Variants in CSMD1 observed in about 807,000 individuals in gnomAD.
CSMD1 encodes CUB and Sushi multiple domains 1, also known as CUB and sushi domain-containing protein 1.
CSMD1 carries 213 observed loss-of-function variants against 417.5 expected under a neutral mutation model. That is an observed-to-expected ratio of 0.51 (90% CI 0.46 to 0.57). The LOEUF (loss-of-function observed/expected upper bound fraction) is 0.57. Ranked by LOEUF, CSMD1 falls within the 20% of genes least tolerant of loss-of-function variation. The probability of loss-of-function intolerance (pLI) is 0.00; values close to 1 mark genes in which losing one functional copy is unlikely to be tolerated. For synonymous variants in CSMD1, 2,862 were observed against 1,736.8 expected (o/e 1.65, Z -16.11); for missense variants, 6,923 against 4,529.7 (o/e 1.53, Z -15.17).
intron 33 of CSMD1, among the ~76,000 whole-genome samples, chr8:3,193,646 G>C (rs983778): frequency 0.93 from 141,927 of 152,176 alleles, 66,288 homozygotes; most frequent in Non-Finnish European, 0.95. Flanking sequence ...TTGAAATCGG[G>C]CCAGTGGAAA....
chr8:3,082,415 T>C (rs1217972756), intron 49 of CSMD1, among the ~76,000 whole-genome samples: 1 of 152,200 alleles, frequency 6.6e-6, no homozygotes, highest in East Asian at 1.9e-4. Flanking sequence ...CCCCTTCACA[T>C]TCCAGCTCAG....
chr8:3,573,001 CTA>C, intron 10 of CSMD1, among the ~76,000 whole-genome samples: 1 of 149,308 alleles, frequency 6.7e-6, no homozygotes. Context: ...TAGTTATATA[CTA>C]TATAATTTTA....
intron 10 of CSMD1, among the ~76,000 whole-genome samples, chr8:3,512,417 C>A (rs1048001726): frequency 6.6e-6 from 1 of 152,114 alleles, no homozygotes. Context: ...TTTTGGTGCA[C>A]AGAATTTGAT....
intron 17 of CSMD1, among the ~76,000 whole-genome samples, chr8:3,389,797 G>C (rs1289223220): frequency 2.6e-5 from 4 of 152,114 alleles, no homozygotes; most frequent in African/African-American, 4.8e-5. Flanking sequence ...ATTTCAAACT[G>C]AATAAACTCT....
intron 7 of CSMD1, among the ~76,000 whole-genome samples, chr8:3,676,179 G>A (rs1267902312): frequency 6.6e-6 from 1 of 152,146 alleles, no homozygotes; most frequent in Non-Finnish European, 1.5e-5. Context: ...CAATTTTATA[G>A]TCTTCTCCTC....
intron 3 of CSMD1, among the ~76,000 whole-genome samples, chr8:4,060,694 C>T (rs950895249): frequency 6.6e-6 from 1 of 152,024 alleles, no homozygotes; most frequent in Admixed American, 6.6e-5. Context: ...CTGAGAAATG[C>T]CTGCTCCTCC....
At chr8:4,346,505 T>C (rs1046219193) in intron 3 of CSMD1, among the ~76,000 whole-genome samples, 13 of 152,256 alleles carry the variant, frequency 8.5e-5, no homozygotes, top group African/African-American at 3.1e-4. Flanking sequence ...CATGACATTA[T>C]TGTCTAAACT....
chr8:4,892,884 T>C (rs2117008085), intron 1 of CSMD1, among the ~76,000 whole-genome samples: 1 of 152,274 alleles, frequency 6.6e-6, no homozygotes, highest in African/African-American at 2.4e-5. Flanking sequence ...CATTAGACTG[T>C]TTTCCCTTTG....
At chr8:3,200,657 G>A (rs1382014039) in intron 32 of CSMD1, among the ~76,000 whole-genome samples, 1 of 151,952 alleles carries the variant, frequency 6.6e-6, no homozygotes, top group African/African-American at 2.4e-5. Context: ...GGTGGGAGGT[G>A]TGTGAATTGG....
intron 63 of CSMD1, among the ~76,000 whole-genome samples, chr8:2,957,085 G>A (rs1803069454): frequency 6.6e-6 from 1 of 152,014 alleles, no homozygotes; most frequent in African/African-American, 2.4e-5. Flanking sequence ...TGAGTGAAAT[G>A]AATAATTCAC....
chr8:4,099,051 C>T (rs956851456), intron 3 of CSMD1, among the ~76,000 whole-genome samples: 4 of 152,142 alleles, frequency 2.6e-5, no homozygotes, highest in African/African-American at 7.2e-5. Context: ...GCATGTGACA[C>T]ATCTGTTTTT....
intron 5 of CSMD1, among the ~76,000 whole-genome samples, chr8:3,945,520 T>G (rs1437186953): frequency 6.6e-6 from 1 of 152,026 alleles, no homozygotes; most frequent in Admixed American, 6.6e-5. Context: ...TTATTGGTAA[T>G]AGTGAAAGGC....
intron 3 of CSMD1, among the ~76,000 whole-genome samples, chr8:4,038,516 C>A (rs1434100617): frequency 6.6e-6 from 1 of 152,122 alleles, no homozygotes; most frequent in South Asian, 2.1e-4. Flanking sequence ...GTCATTTCTG[C>A]CAATTTCATT....
At chr8:4,275,249 G>A (rs919494548) in intron 3 of CSMD1, among the ~76,000 whole-genome samples, 1 of 151,858 alleles carries the variant, frequency 6.6e-6, no homozygotes, top group African/African-American at 2.4e-5. Flanking sequence ...AATAAATATG[G>A]GCGAAATGAA....
At chr8:3,722,848 A>C (rs57767048) in intron 6 of CSMD1, among the ~76,000 whole-genome samples, 2,798 of 152,302 alleles carry the variant, frequency 0.018, 89 homozygotes, top group African/African-American at 0.065. Flanking sequence ...AGATTCCCCG[A>C]TTTCAGGGAT....
Position 4,878,037 on chromosome 8 carries a change from C to A in CSMD1, c.85+116295G>T, listed in dbSNP as rs75791865. On this transcript the variant is annotated intron_variant, in intron 1 of 69. Transcript: ENST00000635120. ...GTCAGCATCCCATCACCACATAAAA[C>A]CTATTTGATCTGAGCTTAAGAATCT... is the stretch of plus-strand genomic sequence containing the variant. Among the ~76,000 whole-genome samples the A allele has an allele frequency of 2.7e-3, 409 of 152,184 alleles. 11 individuals are homozygous for A. The South Asian group carries it at 0.037, about 14-fold the overall frequency.
chr8:3,759,934 C>A (rs556219982), intron 5 of CSMD1, among the ~76,000 whole-genome samples: 2 of 146,102 alleles, frequency 1.4e-5, no homozygotes, highest in East Asian at 2.0e-4. Context: ...AAATGAGGAA[C>A]GGGGAAATAA....
chr8:3,895,783 A>G lies in CSMD1; in HGVS notation c.818+102120T>C, dbSNP rs1219556967. On this transcript the variant is annotated intron_variant, in intron 5 of 69. Transcript: ENST00000635120. ...CATTTAAGAAATATTTCCTACGGTC[A>G]TAACTCTTCACACTCCAGTTGTACC... Among the ~76,000 whole-genome samples the G allele has an allele frequency of 2.6e-5, 4 of 152,264 alleles. No individual in the cohort carries two copies. In the Middle Eastern group the frequency reaches 0.01, roughly 388 times the overall value.
At chr8:4,083,985 A>G (rs1290092774) in intron 3 of CSMD1, among the ~76,000 whole-genome samples, 1 of 152,166 alleles carries the variant, frequency 6.6e-6, no homozygotes, top group Non-Finnish European at 1.5e-5. Context: ...ATGAACTCAA[A>G]CAAATTTACA....
Sources: gnomAD v4.1 joint callset for allele counts (sites outside exome capture counted in the v4.1 genomes callset) on GRCh38, gnomAD v4.1.1 for gene constraint, MANE v1.5 for transcripts, NCBI Gene and HGNC (gene_info 2026-07-23, HGNC 2026-07-21) for gene names.